The following HPSE2 variants were observed in gnomAD, a reference collection of about 807,000 sequenced individuals.
The protein encoded by HPSE2 is inactive heparanase-2.
Under a neutral mutation model 60.5 loss-of-function variants are expected in HPSE2, and 38 were observed. The observed-to-expected ratio is 0.63, with a 90% confidence interval of 0.48 to 0.82. HPSE2 has a LOEUF of 0.82. Ranked by LOEUF, HPSE2 falls within the 40% of genes least tolerant of loss-of-function variation. HPSE2 has a pLI of 0.00. For missense variants in HPSE2, 713 were observed against 740.4 expected (o/e 0.96, Z 0.43); for synonymous variants, 295 against 293.2 (o/e 1.01, Z -0.06).
chr10:98,894,508 G>A (rs1280758075), intron 3 of HPSE2, among the ~76,000 whole-genome samples: 1 of 151,950 alleles, frequency 6.6e-6, no homozygotes, highest in African/African-American at 2.4e-5. Flanking sequence ...TCAGTAAAAG[G>A]TTAAACAGAA....
chr10:99,196,115 T>A (rs1003582143), intron 2 of HPSE2, among the ~76,000 whole-genome samples: 6 of 152,034 alleles, frequency 3.9e-5, no homozygotes, highest in Non-Finnish European at 8.8e-5. Context: ...GAAAGGACAG[T>A]CTCTTCAATA....
At chr10:98,517,492 G>A (rs1471990392) in intron 9 of HPSE2, among the ~76,000 whole-genome samples, 2 of 152,174 alleles carry the variant, frequency 1.3e-5, no homozygotes, top group Non-Finnish European at 2.9e-5. Context: ...CATGATGCTT[G>A]TTTATTTACC....
intron 3 of HPSE2, among the ~76,000 whole-genome samples, chr10:98,812,160 T>A (rs959958796): frequency 6.6e-6 from 1 of 152,174 alleles, no homozygotes; most frequent in Non-Finnish European, 1.5e-5. Flanking sequence ...TATATTAATG[T>A]CAGACAGGTT....
intron 11 of HPSE2, chr10:98,461,741 G>T (rs760277572): frequency 1.3e-6 from 2 of 1,546,058 alleles, no homozygotes; most frequent in African/African-American, 1.4e-5. Context: ...TACAGAATTA[G>T]GTGCAAACCT....
chr10:98,672,439 T>C (rs1367135998), intron 6 of HPSE2, among the ~76,000 whole-genome samples: 1 of 152,238 alleles, frequency 6.6e-6, no homozygotes, highest in African/African-American at 2.4e-5. Context: ...TGTTTGCTTT[T>C]ATGCTTTCCC....
intron 3 of HPSE2, among the ~76,000 whole-genome samples, chr10:99,068,377 G>A (rs1842680489): frequency 1.3e-5 from 2 of 152,192 alleles, no homozygotes; most frequent in South Asian, 2.1e-4. Flanking sequence ...AGTTCCACGT[G>A]GCTGGGGAGA....
chr10:98,840,186 A>G (rs940544345), intron 3 of HPSE2, among the ~76,000 whole-genome samples: 2 of 152,196 alleles, frequency 1.3e-5, no homozygotes, highest in African/African-American at 4.8e-5. Flanking sequence ...GGGGCAGAAA[A>G]TTACAGGATC....
chr10:99,112,125 A>G (rs1177639950), intron 3 of HPSE2, among the ~76,000 whole-genome samples: 3 of 152,230 alleles, frequency 2.0e-5, no homozygotes, highest in East Asian at 1.9e-4. Flanking sequence ...GCCCCAGAAT[A>G]CATGCGAAGC....
At chr10:98,697,412 T>C (rs1198691914) in intron 5 of HPSE2, among the ~76,000 whole-genome samples, 1 of 152,226 alleles carries the variant, frequency 6.6e-6, no homozygotes, top group African/African-American at 2.4e-5. Context: ...ATATCAGAGT[T>C]TGAAGACCAT....
intron 6 of HPSE2, among the ~76,000 whole-genome samples, chr10:98,648,257 T>G (rs77678201): frequency 0.025 from 3,834 of 152,242 alleles, 187 homozygotes; most frequent in African/African-American, 0.087. Context: ...CAAATCATCT[T>G]GATCCTAGCG....
intron 3 of HPSE2, among the ~76,000 whole-genome samples, chr10:98,850,392 C>A (rs1952140517): frequency 1.3e-5 from 2 of 152,116 alleles, no homozygotes; most frequent in South Asian, 4.1e-4. Flanking sequence ...CTGGTGCCAA[C>A]TGGTAAACTC....
At chr10:98,753,168 A>G (rs1949797962) in intron 3 of HPSE2, among the ~76,000 whole-genome samples, 5 of 152,216 alleles carry the variant, frequency 3.3e-5, no homozygotes, top group Admixed American at 3.3e-4. Flanking sequence ...GATACATTGT[A>G]TTCTGTAAAA....
At chr10:99,181,902 T>C (rs1236454103) in intron 2 of HPSE2, among the ~76,000 whole-genome samples, 1 of 149,810 alleles carries the variant, frequency 6.7e-6, no homozygotes, top group Non-Finnish European at 1.5e-5. Context: ...AGAGGGAGAT[T>C]AGGATATACA....
intron 11 of HPSE2, among the ~76,000 whole-genome samples, chr10:98,480,201 G>T (rs552566857): frequency 5.9e-5 from 9 of 151,800 alleles, no homozygotes; most frequent in Admixed American, 2.0e-4. Flanking sequence ...CCTGCCTCGG[G>T]CTCCCAAGTA....
At chr10:99,063,519 G>T (rs2135529022) in intron 3 of HPSE2, among the ~76,000 whole-genome samples, 1 of 152,300 alleles carries the variant, frequency 6.6e-6, no homozygotes, top group African/African-American at 2.4e-5. Context: ...ATTCACAGTT[G>T]AAAAGAGTGT....
intron 10 of HPSE2, among the ~76,000 whole-genome samples, chr10:98,484,632 G>A (rs1941373945): frequency 2.0e-5 from 3 of 152,264 alleles, no homozygotes; most frequent in African/African-American, 7.2e-5. Flanking sequence ...GACCGTTTCA[G>A]TTTATTTACA....
At chr10:98,730,796 G>A (rs961433323) in intron 4 of HPSE2, among the ~76,000 whole-genome samples, 10 of 152,076 alleles carry the variant, frequency 6.6e-5, no homozygotes, top group Non-Finnish European at 1.2e-4. Context: ...TAACAACAAC[G>A]AAAACCCATT....
rs557158277 is a variant in HPSE2 at position 99,126,107 on chromosome 10, A to G, written c.610+18131T>C. ...GCAGGGAAGCTTACGACCTGGTGCA[A>G]GGTCTGAGTGAGGCACTGCAGGAAC... On this transcript the variant is annotated intron_variant, in intron 3 of 11. Coordinates refer to ENST00000370552, the MANE Select transcript of HPSE2 (RefSeq NM_021828.5). The surrounding 1 kb of genome is among the most constrained non-coding windows in gnomAD (Gnocchi z 4.0). Among the ~76,000 whole-genome samples, 52 of 152,266 alleles carry G rather than the reference A, an allele frequency of 3.4e-4. No individual in the cohort carries two copies. Among genetic ancestry groups the G allele is most frequent in the African/African-American group, 1.2e-3 (49 of 41,560 alleles).
At position 98,861,916 on chromosome 10, in the gene HPSE2, A is replaced by G. The variant is rs557740078; in HGVS notation, c.611-117860T>C. The stretch of plus-strand genomic sequence containing the variant: ...CAAGATGTCTCATGATTTAAAAATC[A>G]GCTGGTGGGAGTGGATCTTTGAAAT... On this transcript the variant is annotated intron_variant, in intron 3 of 11. Transcript: ENST00000370552. 3.3e-5 allele frequency among the ~76,000 whole-genome samples: 5 copies of G among 152,306 alleles called. No individual in the cohort carries two copies. The South Asian group carries it at 1.0e-3, about 32-fold the overall frequency.
Sources: gnomAD v4.1 joint callset for allele counts (sites outside exome capture counted in the v4.1 genomes callset) on GRCh38, gnomAD v4.1.1 for gene constraint, Gnocchi (gnomAD v3.1) non-coding constraint, MANE v1.5 for transcripts, NCBI Gene and HGNC (gene_info 2026-07-23, HGNC 2026-07-21) for gene names.